USP54: variants seen among roughly 807,000 people sequenced by gnomAD.
The protein encoded by USP54 is ubiquitin specific peptidase 54.
In USP54, 87 loss-of-function variants were observed where a neutral mutation model predicts 170.5. The ratio of observed to expected loss-of-function variants is 0.51; its 90% CI spans 0.43 to 0.61. The LOEUF (loss-of-function observed/expected upper bound fraction) is 0.61, where lower values mean the gene tolerates loss of function less well. USP54 is among the 20% of genes least tolerant of loss of function. The probability of loss-of-function intolerance (pLI) is 0.00; values close to 1 mark genes in which losing one functional copy is unlikely to be tolerated. For synonymous variants in USP54, 655 were observed against 742.8 expected (o/e 0.88, Z 1.92); for missense variants, 1,786 against 2,047.8 (o/e 0.87, Z 2.47).
At chr10:73,523,788 T>G (rs2062321525) in intron 16 of USP54, 38 bp from the exon 17 acceptor site, 1 of 1,566,492 alleles carries the variant, frequency 6.4e-7, no homozygotes, top group Non-Finnish European at 8.7e-7. Context: ...CACATTTCCA[T>G]TACCAAGACT....
At chr10:73,595,835 C>T (rs961101713), upstream of USP54, among the ~76,000 whole-genome samples, 3 of 152,226 alleles carry the variant, frequency 2.0e-5, no homozygotes, top group Non-Finnish European at 4.4e-5. Context: ...ATCAGCCGGG[C>T]GCGGTGGCTC....
intron 16 of USP54, among the ~76,000 whole-genome samples, chr10:73,524,648 G>A (rs190649202): frequency 5.3e-5 from 8 of 152,132 alleles, no homozygotes; most frequent in African/African-American, 9.6e-5. Flanking sequence ...ATAGTATTAC[G>A]CTGAACATTT....
In USP54 at chr10:73,539,454, T is replaced by C. The variant is rs1165115688; in HGVS notation, c.965A>G (p.His322Arg). 1 of 1,610,924 alleles carries C rather than the reference T, an allele frequency of 6.2e-7. No individual in the cohort carries two copies. The highest frequency in any genetic ancestry group is 8.5e-7 in the Non-Finnish European group (1 of 1,178,108). The change falls in exon 10 of 24, where the codon CAT (histidine) becomes CGT (arginine). Residue 322 changes from histidine to arginine, a missense_variant. Coordinates refer to ENST00000687698, the MANE Select transcript of USP54 (RefSeq NM_001391956.1). ...IRKWMYFDDA[H>R]VKEIGPKWKD... is the part of the protein sequence containing the mutation. ...CTTGACTACTCCTACCTCCTTGACA[T>C]GAGCATCATCAAAATACATCCATTT...
chr10:73,534,623 A>C lies in USP54; in HGVS notation c.1292T>G (p.Met431Arg). ...ACCTGTGTCCCGACTGCTCTGAGACATGGAATCATTTTCCACATTATAGAT... is the reference window on the plus strand; with the variant it reads ...ACCTGTGTCCCGACTGCTCTGAGACCTGGAATCATTTTCCACATTATAGAT... ...TVIYNVENDS[M>R]SQSSRDTGHL... Residue 431 changes from methionine to arginine, a missense_variant, in exon 12 of 24, where the codon ATG becomes AGG. Around this residue, in one of 3 missense-constraint regions of USP54, gnomAD observed 1,418 missense variants for 1,569.0 expected, o/e 0.90. Transcript: ENST00000687698. The C allele has an allele frequency of 6.2e-7, 1 of 1,614,144 alleles. No homozygotes were observed. The highest frequency in any genetic ancestry group is 1.1e-5 in the South Asian group (1 of 91,088).
intron 1 of USP54, among the ~76,000 whole-genome samples, chr10:73,607,607 G>A (rs955523837): frequency 3.3e-5 from 5 of 151,750 alleles, no homozygotes; most frequent in Non-Finnish European, 1.5e-5. Context: ...GAGGAGGATG[G>A]AGAGCCTGAG....
chr10:73,523,742 TCTC>T lies in USP54; in HGVS notation c.2200_2202del (p.Glu734del), dbSNP rs1564686147. The T allele has an allele frequency of 1.9e-6, 3 of 1,612,582 alleles. No individual in the cohort carries two copies. The South Asian group carries it at 3.3e-5, about 18-fold the overall frequency. Reference sequence around the variant, plus strand: ...TCATCCAGTTCACTTTTAGAAGATATCTCCTCACCTGTAATATAAGCAAGGGAG... The same window carrying T: ...TCATCCAGTTCACTTTTAGAAGATATCTCACCTGTAATATAAGCAAGGGAG... On this transcript the variant is annotated inframe_deletion, in exon 17 of 24. Transcript: ENST00000687698.
rs1414360555 is a variant in USP54, at chr10:73,513,019, T to C, written c.4051+3356A>G. On this transcript the variant is annotated intron_variant, in intron 20 of 23. Transcript: ENST00000687698. ...CAGCCAAGACAACAACATGAGACCC[T>C]GTCTCAAAAATGAAAAAAAAAAAGT... is the stretch of plus-strand genomic sequence containing the variant. 2.0e-5 allele frequency among the ~76,000 whole-genome samples: 3 copies of C among 150,882 alleles called. No homozygotes were observed. The East Asian group carries it at 6.1e-4, about 30-fold the overall frequency.
intron 1 of USP54, among the ~76,000 whole-genome samples, chr10:73,620,482 C>CTTTT (rs770755452): frequency 1.6e-5 from 2 of 126,172 alleles, no homozygotes; most frequent in African/African-American, 3.1e-5. Context: ...TCTGGGGATT[C>CTTTT]TTTTTTTTTT....
chr10:73,505,372 G>C lies in USP54; in HGVS notation c.4106C>G (p.Ser1369Ter). 1 of 1,614,100 alleles carries C rather than the reference G, an allele frequency of 6.2e-7. No individual in the cohort carries two copies. The change falls in exon 21 of 24, where the codon TCA becomes TGA. Residue 1369 changes from serine to a stop codon, truncating the protein, a stop_gained. Coordinates refer to ENST00000687698, the MANE Select transcript of USP54 (RefSeq NM_001391956.1). LOFTEE classifies it high-confidence loss of function. ...CTCCATTTCTGCTGTTGAAGTCTTT[G>C]AGAGACCAGGATCATGGGCTGAGTG... ...RLHSAHDPGL[S>*]KTSTAEMEHG...
intron 17 of USP54, 84 bp from the exon 18 acceptor site, chr10:73,521,111 A>T: frequency 1.9e-6 from 3 of 1,569,768 alleles, no homozygotes; most frequent in Non-Finnish European, 1.7e-6. Flanking sequence ...GTACACAGAG[A>T]TCCTTGCTGC....
At chr10:73,613,380 C>T (rs558321154) in intron 1 of USP54, among the ~76,000 whole-genome samples, 2 of 151,682 alleles carry the variant, frequency 1.3e-5, no homozygotes, top group South Asian at 4.2e-4. Flanking sequence ...GATCCACCTG[C>T]CTCGGCCTCC....
At position 73,580,332 on chromosome 10, in the gene USP54, A is replaced by G. The variant is rs200945445; in HGVS notation, c.-581-3971T>C. On this transcript the variant is annotated intron_variant, in intron 1 of 23. Coordinates refer to ENST00000687698, the MANE Select transcript of USP54 (RefSeq NM_001391956.1). Reference sequence around the variant, plus strand: ...AGACCCCATTTCAAAAAAAAAAAAAAAAAGAAAGAAAAAGAAAAAGAAATG... The same window carrying G: ...AGACCCCATTTCAAAAAAAAAAAAAGAAAGAAAGAAAAAGAAAAAGAAATG... Among the ~76,000 whole-genome samples the G allele has an allele frequency of 1.2e-3, 186 of 151,820 alleles. 1 individual carries two copies. Among genetic ancestry groups the G allele is most frequent in the East Asian group, 0.011 (58 of 5,168 alleles).
Position 73,543,134 on chromosome 10 carries a change from G to A in USP54, c.376-3C>T. 6.2e-7 allele frequency: 1 copy of A among 1,601,148 alleles called. No homozygotes were observed. The highest frequency in any genetic ancestry group is 8.6e-7 in the Non-Finnish European group (1 of 1,168,228). On this transcript the variant is annotated splice_polypyrimidine_tract_variant and splice_region_variant and intron_variant, in intron 5 of 23. Coordinates refer to ENST00000687698, the MANE Select transcript of USP54 (RefSeq NM_001391956.1). ...TGAATTCTCATCAGGAGGTTTTCCT[G>A]ACAGGGAAAGAACAAAAGCAGTATA...
intron 12 of USP54, among the ~76,000 whole-genome samples, chr10:73,533,546 G>C (rs1440292405): frequency 6.8e-6 from 1 of 147,636 alleles, no homozygotes; most frequent in Non-Finnish European, 1.5e-5. Flanking sequence ...TGAAATTCTT[G>C]ATATTTAAAA....
rs768953429 is a variant in USP54 at position 73,530,179 on chromosome 10, C to T, written c.1792G>A (p.Gly598Ser). Residue 598 changes from glycine (G) to serine (S), a missense_variant, in exon 14 of 24, where the codon GGC becomes AGC. By Grantham distance (56) the Gly-to-Ser change is moderately conservative. This residue lies in a region of USP54 where 1,418 missense variants were observed against 1,569.0 expected (regional missense o/e 0.90). Coordinates refer to ENST00000687698, the MANE Select transcript of USP54 (RefSeq NM_001391956.1). ...GAAAAGGGGCTAAGCTGGGTATAGC[C>T]ACAGTGCTTCCTTTTGTCCTTACTA... ...IFSKDKRKHCGYTQLSPFSED... is the reference protein window; with the variant it reads ...IFSKDKRKHCSYTQLSPFSED... The T allele has an allele frequency of 3.7e-6, 6 of 1,613,816 alleles. No homozygotes were observed. The highest frequency in any genetic ancestry group is 4.5e-5 in the East Asian group (2 of 44,886).
At chr10:73,553,155 A>G (rs1485380358) in intron 4 of USP54, 1 of 152,236 alleles carries the variant, frequency 6.6e-6, no homozygotes, top group Non-Finnish European at 1.5e-5. Context: ...GGTCTGTAAC[A>G]ATAGATCTGG....
chr10:73,587,681 A>C (rs1232609914), intron 1 of USP54, among the ~76,000 whole-genome samples: 2 of 152,192 alleles, frequency 1.3e-5, no homozygotes, highest in East Asian at 3.8e-4. Context: ...TTATTGAACT[A>C]ACTCTTAGGT....
At position 73,534,678 on chromosome 10, in the gene USP54, G is replaced by T; in HGVS notation, c.1237C>A (p.His413Asn). 4 of 1,614,144 alleles carry T rather than the reference G, an allele frequency of 2.5e-6. No individual in the cohort carries two copies. Among genetic ancestry groups the T allele is most frequent in the Non-Finnish European group, 3.4e-6 (4 of 1,180,002 alleles). The change falls in exon 12 of 24, where the codon CAC becomes AAC. Residue 413 changes from histidine (H) to asparagine (N), a missense_variant. By Grantham distance (68) the His-to-Asn change is moderately conservative (BLOSUM62 1). Around this residue, in one of 3 missense-constraint regions of USP54, gnomAD observed 1,418 missense variants for 1,569.0 expected, o/e 0.90. Transcript: ENST00000687698. ...KHSHHESVVS[H>N]FSSDSQGTVI... ...GTCCCCTGAGAATCAGAAGAGAAGT[G>T]ACTGACCACAGACTCATGGTGGGAA...
In USP54 at chr10:73,612,564, G is replaced by A. The variant is rs189247103; in HGVS notation, c.-18+13003C>T. Among the ~76,000 whole-genome samples the A allele has an allele frequency of 2.8e-3, 421 of 152,130 alleles. 3 individuals are homozygous for A. Among genetic ancestry groups the A allele is most frequent in the African/African-American group, 9.4e-3 (391 of 41,530 alleles). On this transcript the variant is annotated intron_variant, in intron 1 of 22. Coordinates refer to the USP54 transcript ENST00000339859. Reference sequence around the variant, plus strand: ...ATGATAAAGAATATACTTGATGGCCGGGTGAGGTGGCTCATGGCTGTAATC... The same window carrying A: ...ATGATAAAGAATATACTTGATGGCCAGGTGAGGTGGCTCATGGCTGTAATC...
Sources: allele counts gnomAD v4.1 joint callset (sites outside exome capture counted in the v4.1 genomes callset), GRCh38; gene constraint gnomAD v4.1.1; regional missense constraint gnomAD v4.1.1; transcripts MANE v1.5; gene names NCBI Gene and HGNC (gene_info 2026-07-23, HGNC 2026-07-21).